The following CNTN3 variants were observed in gnomAD, a reference collection of about 807,000 sequenced individuals.
CNTN3 encodes the protein contactin-3.
In CNTN3, 60 loss-of-function variants were observed where a neutral mutation model predicts 119.1. The observed-to-expected ratio is 0.50, with a 90% CI of 0.41 to 0.62. The LOEUF is 0.62. Among genes scored for constraint, CNTN3 ranks in the 20% least tolerant of loss-of-function variants. The pLI is 0.00. For missense variants in CNTN3, 1,101 were observed against 1,242.4 expected (o/e 0.89, Z 1.71); for synonymous variants, 450 against 438.7 (o/e 1.03, Z -0.32).
At chr3:74,521,237 AAG>A (rs1491068039) in intron 1 of CNTN3, 45 bp from the exon 2 acceptor site, 5 of 436,838 alleles carry the variant, frequency 1.1e-5, no homozygotes, top group African/African-American at 1.1e-4. Flanking sequence ...AAAAAAAAAA[AAG>A]CTGCTTTAAA....
At chr3:74,355,477 C>T (rs777587322) in intron 11 of CNTN3, among the ~76,000 whole-genome samples, 1 of 140,754 alleles carries the variant, frequency 7.1e-6, no homozygotes, top group Non-Finnish European at 1.6e-5. Context: ...TGTTTTGAGA[C>T]AGGTTCTCAC....
intron 4 of CNTN3, among the ~76,000 whole-genome samples, chr3:74,486,200 G>GCACACACA (rs79617168): frequency 1.6e-4 from 24 of 147,732 alleles, no homozygotes; most frequent in African/African-American, 5.8e-4. Flanking sequence ...CTAAAATAGA[G>GCACACACA]CACACACACA....
intron 5 of CNTN3, among the ~76,000 whole-genome samples, chr3:74,374,228 C>T (rs185012965): frequency 6.6e-6 from 1 of 152,194 alleles, no homozygotes; most frequent in East Asian, 1.9e-4. Context: ...CAACATGGGA[C>T]CTGACTCGCA....
intron 5 of CNTN3, among the ~76,000 whole-genome samples, chr3:74,424,624 T>C (rs1010299542): frequency 6.6e-6 from 1 of 152,192 alleles, no homozygotes; most frequent in African/African-American, 2.4e-5. Flanking sequence ...TGATCTCTCT[T>C]GTCTTTATAA....
chr3:74,410,004 C>G (rs1442395485), intron 5 of CNTN3, among the ~76,000 whole-genome samples: 2 of 152,158 alleles, frequency 1.3e-5, no homozygotes, highest in Non-Finnish European at 2.9e-5. Context: ...TTCTTTAACA[C>G]CTTTTATGAG....
At chr3:74,499,611 A>C (rs1157235922) in intron 3 of CNTN3, 48 bp downstream of exon 3, 1 of 1,556,246 alleles carries the variant, frequency 6.4e-7, no homozygotes, top group Non-Finnish European at 8.7e-7. Context: ...ATCACCACAT[A>C]AGTGTGTTTA....
At chr3:74,389,626 C>A (rs1704843014) in intron 5 of CNTN3, among the ~76,000 whole-genome samples, 1 of 152,138 alleles carries the variant, frequency 6.6e-6, no homozygotes, top group Admixed American at 6.5e-5. Context: ...ACCATCCCAT[C>A]AGGTAGTAGG....
intron 4 of CNTN3, among the ~76,000 whole-genome samples, chr3:74,479,081 T>C (rs1026798058): frequency 2.6e-5 from 4 of 152,002 alleles, no homozygotes; most frequent in Non-Finnish European, 5.9e-5. Flanking sequence ...AGAGACTGTC[T>C]GGGGGAGGGA....
At chr3:74,451,750 A>T (rs1420542656) in intron 4 of CNTN3, among the ~76,000 whole-genome samples, 3 of 150,456 alleles carry the variant, frequency 2.0e-5, no homozygotes, top group Admixed American at 2.0e-4. Context: ...CAGTTTTCCC[A>T]GCACCATTTA....
chr3:74,527,414 C>A (rs945611277), intron 1 of CNTN3, among the ~76,000 whole-genome samples: 3 of 151,752 alleles, frequency 2.0e-5, no homozygotes, highest in East Asian at 1.9e-4. Flanking sequence ...GTAGATGGGG[C>A]GGCAATACAA....
chr3:74,477,411 C>T (rs186946291), intron 4 of CNTN3, among the ~76,000 whole-genome samples: 36 of 152,210 alleles, frequency 2.4e-4, no homozygotes, highest in African/African-American at 5.3e-4. Context: ...TAAAACAGTA[C>T]TGACCAGCAA....
rs549167709 is a variant in CNTN3, at chr3:74,323,867, TCC to T, written c.1668+10866_1668+10867del. 1.7e-3 allele frequency among the ~76,000 whole-genome samples: 266 copies of T among 152,216 alleles called. 1 individual carries two copies. The highest frequency in any genetic ancestry group is 3.1e-3 in the Non-Finnish European group (209 of 68,012). On this transcript the variant is annotated intron_variant, in intron 13 of 22. Transcript: ENST00000263665. ...CCACCAGTCAACATCAGCGTCAGCC[TCC>T]CAGAGATGAGATTTTTTTTAAATTT...
chr3:74,465,767 A>G lies in CNTN3; in HGVS notation c.358+20689T>C, dbSNP rs527545281. Among the ~76,000 whole-genome samples the G allele has an allele frequency of 5.9e-5, 9 of 152,272 alleles. 1 individual carries two copies. In the East Asian group the frequency reaches 1.7e-3, roughly 30 times the overall value. The stretch of plus-strand genomic sequence containing the variant: ...AGGACACCAGGTCGCAGGGCTGTCC[A>G]GGGATAGGCAGGGCTCCTATTTCAA... On this transcript the variant is annotated intron_variant, in intron 4 of 22. Coordinates refer to ENST00000263665, the MANE Select transcript of CNTN3 (RefSeq NM_020872.3).
intron 5 of CNTN3, among the ~76,000 whole-genome samples, chr3:74,372,779 A>C (rs1704373748): frequency 6.6e-6 from 1 of 152,086 alleles, no homozygotes; most frequent in South Asian, 2.1e-4. Context: ...GTTTTAGAGG[A>C]AGGACAGGTG....
chr3:74,304,191 GGAA>G (rs1325164061), intron 13 of CNTN3, among the ~76,000 whole-genome samples: 1 of 152,118 alleles, frequency 6.6e-6, no homozygotes, highest in African/African-American at 2.4e-5. Context: ...TGTGAGAACT[GGAA>G]GAAGACAGAT....
intron 4 of CNTN3, among the ~76,000 whole-genome samples, chr3:74,469,541 A>T (rs1334216117): frequency 6.6e-6 from 1 of 152,224 alleles, no homozygotes; most frequent in Non-Finnish European, 1.5e-5. Context: ...TGGGCAAAGG[A>T]TCTAAATAGA....
intron 17 of CNTN3, among the ~76,000 whole-genome samples, chr3:74,299,201 G>A (rs1702404542): frequency 1.3e-5 from 2 of 151,560 alleles, no homozygotes; most frequent in Non-Finnish European, 2.9e-5. Flanking sequence ...GAGCAAGACT[G>A]TCTCAAAAAA....
chr3:74,526,174 G>T (rs1213963830), intron 1 of CNTN3, among the ~76,000 whole-genome samples: 2 of 151,118 alleles, frequency 1.3e-5, no homozygotes, highest in African/African-American at 4.9e-5. Flanking sequence ...CGATACTTCA[G>T]AAATGAATTA....
chr3:74,453,903 C>T (rs2106955783), intron 4 of CNTN3, among the ~76,000 whole-genome samples: 1 of 152,178 alleles, frequency 6.6e-6, no homozygotes, highest in Middle Eastern at 3.4e-3. Flanking sequence ...TATTCTTTTA[C>T]ATTTGCTGAG....
Sources: allele counts gnomAD v4.1 joint callset (sites outside exome capture counted in the v4.1 genomes callset), GRCh38; gene constraint gnomAD v4.1.1; transcripts MANE v1.5; gene names NCBI Gene and HGNC (gene_info 2026-07-23, HGNC 2026-07-21).